Variants in GATA4 observed in about 807,000 individuals in gnomAD.
GATA4 encodes transcription factor GATA-4.
In GATA4, 7 loss-of-function variants were observed where a neutral mutation model predicts 37.9. The observed-to-expected ratio is 0.18, with a 90% CI of 0.11 to 0.35. The LOEUF (loss-of-function observed/expected upper bound fraction) is 0.35, where lower values mean the gene tolerates loss of function less well. GATA4 is among the 10% of genes least tolerant of loss of function. The pLI, the probability that GATA4 is intolerant of heterozygous loss-of-function variation, is 1.00. For missense variants in GATA4, 647 were observed against 653.0 expected (o/e 0.99, Z 0.10); for synonymous variants, 372 against 292.6 (o/e 1.27, Z -2.77).
chr8:11,703,101 G>A (rs1367417487), upstream of GATA4, among the ~76,000 whole-genome samples: 12 of 152,134 alleles, frequency 7.9e-5, no homozygotes, highest in Admixed American at 7.9e-4. Flanking sequence ...GTTTCGTGCA[G>A]GGTGTTATCC....
intron 4 of GATA4, among the ~76,000 whole-genome samples, chr8:11,753,509 C>G: frequency 7.4e-6 from 1 of 134,476 alleles, no homozygotes; most frequent in Non-Finnish European, 1.6e-5. Context: ...AAAAAAAAAG[C>G]ATACCTAAGT....
intron 1 of GATA4, among the ~76,000 whole-genome samples, chr8:11,682,224 C>T (rs1004918931): frequency 6.6e-6 from 1 of 152,270 alleles, no homozygotes; most frequent in East Asian, 1.9e-4. Flanking sequence ...TCTTTTAAAA[C>T]GGTGTCGGAT....
upstream of GATA4, chr8:11,692,131 C>T: frequency 1.3e-6 from 1 of 743,558 alleles, no homozygotes; most frequent in Non-Finnish European, 1.6e-6. Flanking sequence ...ACCTGTTCTC[C>T]AGCCTAATGG....
At chr8:11,691,644 G>A (rs143465059), upstream of GATA4, among the ~76,000 whole-genome samples, 23 of 152,230 alleles carry the variant, frequency 1.5e-4, no homozygotes, top group East Asian at 2.7e-3. Context: ...CTGTGGGCAT[G>A]GCAGTCCTCT....
intron 1 of GATA4, among the ~76,000 whole-genome samples, chr8:11,696,904 A>T (rs561785168): frequency 1.1e-3 from 160 of 152,336 alleles, no homozygotes; most frequent in African/African-American, 3.6e-3. Flanking sequence ...CCATCTGCTC[A>T]GGGAGAGTGT....
In GATA4 at chr8:11,750,128, G is replaced by T. The variant is rs774926374; in HGVS notation, c.804G>T (p.Val268=). The T allele has an allele frequency of 6.2e-7, 1 of 1,614,084 alleles. No homozygotes were observed. Among genetic ancestry groups the T allele is most frequent in the East Asian group, 2.2e-5 (1 of 44,890 alleles). ...TCTTGCAGTCCGCCTCCCGCCGAGT[G>T]GGCCTCTCCTGTGCCAACTGCCAGA... is the stretch of plus-strand genomic sequence containing the variant. ...PQRRLSASRR[V]GLSCANCQTT... is the part of the protein sequence containing the mutation. The change falls in exon 4 of 7, where the codon GTG becomes GTT. Residue 268 remains valine, a synonymous_variant. Coordinates refer to ENST00000532059, the MANE Select transcript of GATA4 (RefSeq NM_001308093.3).
chr8:11,753,484 T>G (rs1802401465), intron 4 of GATA4, among the ~76,000 whole-genome samples: 1 of 135,140 alleles, frequency 7.4e-6, no homozygotes, highest in Non-Finnish European at 1.5e-5. Flanking sequence ...TGTGTTTCAT[T>G]TTACTGCAAC....
chr8:11,684,702 C>T (rs1392870404), intron 1 of GATA4, among the ~76,000 whole-genome samples: 1 of 152,116 alleles, frequency 6.6e-6, no homozygotes, highest in African/African-American at 2.4e-5. Context: ...GAAAGACTGC[C>T]CTAATCCCTG....
chr8:11,757,105 C>T (rs1364950211), intron 6 of GATA4, 22 bp downstream of exon 6: 8 of 1,612,052 alleles, frequency 5.0e-6, no homozygotes. Flanking sequence ...GGCTGGGGCG[C>T]CAGGGCTGTT....
chr8:11,702,503 G>A (rs561855218), upstream of GATA4, among the ~76,000 whole-genome samples: 3 of 151,398 alleles, frequency 2.0e-5, no homozygotes, highest in African/African-American at 7.3e-5. The surrounding 1 kb of genome is among the most constrained non-coding windows in gnomAD (Gnocchi z 4.4). Flanking sequence ...GTTTCAAACC[G>A]GGAGCAGGGA....
intron 1 of GATA4, chr8:11,697,669 C>T: frequency 1.0e-5 from 10 of 985,454 alleles, no homozygotes; most frequent in Non-Finnish European, 1.2e-5. Context: ...CGGGTCTTCG[C>T]GCCTGCGGAC....
At chr8:11,703,002 G>A (rs1051880692), upstream of GATA4, among the ~76,000 whole-genome samples, 4 of 152,124 alleles carry the variant, frequency 2.6e-5, no homozygotes, top group African/African-American at 4.8e-5. Flanking sequence ...CTTAACCCCC[G>A]GGTTGCCTTC....
chr8:11,681,589 G>A (rs1798976062), intron 1 of GATA4: 1 of 457,926 alleles, frequency 2.2e-6, no homozygotes, highest in Non-Finnish European at 2.9e-6. Context: ...CACCCCACTC[G>A]CTGTTCTTAA....
intron 1 of GATA4, among the ~76,000 whole-genome samples, chr8:11,685,605 C>A (rs1799109955): frequency 6.6e-6 from 1 of 152,188 alleles, no homozygotes; most frequent in Admixed American, 6.5e-5. Context: ...TGATTCCAGG[C>A]TAGAGATGTT....
chr8:11,697,550 C>T lies in GATA4; in HGVS notation c.-728-2958C>T, dbSNP rs894474264. 65 of 985,372 alleles carry T rather than the reference C, an allele frequency of 6.6e-5. No homozygotes were observed. In the African/African-American group the frequency reaches 1.0e-3, roughly 16 times the overall value. 61.0% of individuals were successfully genotyped at this position (985,372 alleles called of 1,614,324 possible). A position where few individuals can be genotyped will look rare whatever the true frequency, so the allele number is the denominator to read the frequency against. ...GAGGTGGTCGTGGAGGCCACTTTCC[C>T]CTCCACCGCCAGGGAAGCCTGGTCT... is the stretch of plus-strand genomic sequence containing the variant. On this transcript the variant is annotated intron_variant, in intron 1 of 2. Transcript: ENST00000526974.
intron 2 of GATA4, among the ~76,000 whole-genome samples, chr8:11,731,940 G>T (rs1034299775): frequency 4.6e-5 from 7 of 152,190 alleles, no homozygotes; most frequent in African/African-American, 1.4e-4. Flanking sequence ...TGGCTCTTCA[G>T]TGTTTCTCTT....
chr8:11,715,638 G>A (rs1006913147), intron 2 of GATA4, among the ~76,000 whole-genome samples: 1 of 152,072 alleles, frequency 6.6e-6, no homozygotes, highest in African/African-American at 2.4e-5. Context: ...CTATTCAGGA[G>A]GCTGAGGCAG....
intron 4 of GATA4, among the ~76,000 whole-genome samples, chr8:11,751,465 T>C (rs2645398): frequency 0.89 from 135,441 of 152,194 alleles, 60,598 homozygotes; most frequent in East Asian, 1. Flanking sequence ...ACTGGGGTCC[T>C]GGGGAGAAGG....
intron 1 of GATA4, chr8:11,681,536 T>C (rs868259001): frequency 2.3e-6 from 2 of 871,388 alleles, no homozygotes; most frequent in South Asian, 1.0e-4. Flanking sequence ...CGGGAACGGC[T>C]GCTGTTGTTT....
Sources: allele counts gnomAD v4.1 joint callset (sites outside exome capture counted in the v4.1 genomes callset), GRCh38; gene constraint gnomAD v4.1.1; non-coding constraint Gnocchi (gnomAD v3.1); transcripts MANE v1.5; gene names NCBI Gene and HGNC (gene_info 2026-07-23, HGNC 2026-07-21).